Variants in SCAF4 observed in about 807,000 individuals in gnomAD.
SCAF4 encodes the protein SR-related CTD associated factor 4.
A neutral mutation model predicts 129.8 loss-of-function variants in SCAF4; 25 were observed. The ratio of observed to expected loss-of-function variants is 0.19; its 90% CI spans 0.14 to 0.27. The LOEUF (loss-of-function observed/expected upper bound fraction) is 0.27, where lower values mean the gene tolerates loss of function less well. Ranked by LOEUF, SCAF4 falls within the 10% of genes least tolerant of loss-of-function variation. SCAF4 has a pLI of 1.00. For missense variants in SCAF4, 1,246 were observed against 1,457.1 expected, an observed-to-expected ratio of 0.86 and a Z score of 2.36; for synonymous variants, 551 against 497.7, an observed-to-expected ratio of 1.11 and a Z score of -1.43.
At chr21:31,682,263 C>G (rs1208930999) in intron 19 of SCAF4, among the ~76,000 whole-genome samples, 1 of 151,944 alleles carries the variant, frequency 6.6e-6, no homozygotes, top group East Asian at 1.9e-4. Flanking sequence ...CCTGTAGTCC[C>G]AGCTACTTGG....
At chr21:31,696,526 T>C in intron 8 of SCAF4, 43 bp downstream of exon 8, 1 of 1,519,020 alleles carries the variant, frequency 6.6e-7, no homozygotes, top group South Asian at 1.2e-5. Context: ...CTTACAACTA[T>C]TACCAATTTT....
rs186220309 is a variant in SCAF4 at position 31,710,749 on chromosome 21, G to C, written c.31-4392C>G. ...AAAACAAATCTTGTTTATTTAGTTT[G>C]GCAATTAGGTGAATGCAAGTGACAT... On this transcript the variant is annotated intron_variant, in intron 1 of 19. Transcript: ENST00000286835. 2.0e-3 allele frequency among the ~76,000 whole-genome samples: 298 copies of C among 152,302 alleles called. 1 individual carries two copies. The highest frequency in any genetic ancestry group is 6.4e-3 in the African/African-American group (268 of 41,564).
chr21:31,717,904 T>TACACACACACACACACACACAC (rs35191665), intron 1 of SCAF4, among the ~76,000 whole-genome samples: 1 of 117,946 alleles, frequency 8.5e-6, no homozygotes, highest in Admixed American at 9.2e-5. Flanking sequence ...TACACATATA[T>TACACACACACACACACACACAC]ACACACACAC....
At chr21:31,686,918 G>A (rs1438623177) in intron 16 of SCAF4, among the ~76,000 whole-genome samples, 2 of 152,170 alleles carry the variant, frequency 1.3e-5, no homozygotes, top group African/African-American at 4.8e-5. Context: ...GGTCCCTGGT[G>A]CCGGAAAGGT....
chr21:31,688,397 G>A lies in SCAF4; in HGVS notation c.1953C>T (p.His651=), dbSNP rs190999203. The A allele has an allele frequency of 1.2e-6, 2 of 1,613,934 alleles. No individual in the cohort carries two copies. The highest frequency in any genetic ancestry group is 2.2e-5 in the East Asian group (1 of 44,852). ...TAGGTATGGGTGATACTGGTTCTGTGTGTGAGGTTTCAGCACCTCCATTTT... is the reference window on the plus strand; with the variant it reads ...TAGGTATGGGTGATACTGGTTCTGTATGTGAGGTTTCAGCACCTCCATTTT... The part of the protein sequence containing the change: ...VAQNGGAETS[H]TEPVSPIPKP... Residue 651 remains histidine (H), a synonymous_variant, in exon 16 of 20, where the codon CAC becomes CAT. Transcript: ENST00000286835.
At chr21:31,731,574 G>C in intron 1 of SCAF4, 89 bp downstream of exon 1, 4 of 1,471,742 alleles carry the variant, frequency 2.7e-6, no homozygotes, top group Non-Finnish European at 3.7e-6. Flanking sequence ...TCCCCACCCG[G>C]ACCAAAGCTT....
At position 31,731,712 on chromosome 21, in the gene SCAF4, C is replaced by T. The variant is rs780919002; in HGVS notation, c.-20G>A. Reference sequence around the variant, plus strand: ...GTCCATGTTCGCGCTGCGGCGGCGGCTGCTCCGGGCCCGCCGGTCACATAG... The same window carrying T: ...GTCCATGTTCGCGCTGCGGCGGCGGTTGCTCCGGGCCCGCCGGTCACATAG... On this transcript the variant is annotated 5_prime_UTR_variant, in exon 1 of 20. Coordinates refer to ENST00000286835, the MANE Select transcript of SCAF4 (RefSeq NM_020706.2). 8.2e-6 allele frequency: 13 copies of T among 1,576,806 alleles called. No homozygotes were observed. The East Asian group carries it at 2.7e-4, about 33-fold the overall frequency.
At chr21:31,721,576 C>T (rs1568865331) in intron 1 of SCAF4, among the ~76,000 whole-genome samples, 1 of 152,176 alleles carries the variant, frequency 6.6e-6, no homozygotes, top group African/African-American at 2.4e-5. Context: ...GATTGGTCAA[C>T]TATTGCTCTT....
intron 11 of SCAF4, 43 bp downstream of exon 11, chr21:31,694,161 C>A: frequency 9.5e-7 from 1 of 1,057,484 alleles, no homozygotes; most frequent in South Asian, 1.3e-5. Flanking sequence ...TTCTATGTCC[C>A]CTAAGATATA....
chr21:31,696,648 C>T lies in SCAF4; in HGVS notation c.880G>A (p.Val294Ile). The change falls in exon 8 of 20, where the codon GTA becomes ATA. Residue 294 changes from valine to isoleucine, a missense_variant. By Grantham distance (29) the Val-to-Ile change is conservative (BLOSUM62 3). Around this residue, in one of 6 missense-constraint regions of SCAF4, gnomAD observed 236 missense variants for 210.0 expected, o/e 1.12. Coordinates refer to ENST00000286835, the MANE Select transcript of SCAF4 (RefSeq NM_020706.2). ...ACGGTGGCGGTGGGTGCAGGGGGTA[C>T]TGCGGCAGCAGGTGCTGTCGTGGTG... Reference protein sequence around the residue: ...AVTTTAPAAAVPPAPTATVPA... With the variant: ...AVTTTAPAAAIPPAPTATVPA... The T allele has an allele frequency of 1.2e-6, 2 of 1,614,000 alleles. No homozygotes were observed. Among genetic ancestry groups the T allele is most frequent in the Non-Finnish European group, 8.5e-7 (1 of 1,179,952 alleles).
At chr21:31,675,644 C>A (rs1220503536) in intron 19 of SCAF4, among the ~76,000 whole-genome samples, 1 of 152,132 alleles carries the variant, frequency 6.6e-6, no homozygotes, top group Non-Finnish European at 1.5e-5. Flanking sequence ...TTTAATACAG[C>A]GAGGCATTAG....
rs368648025 is a variant in SCAF4 at position 31,718,976 on chromosome 21, T to C, written c.31-12619A>G. Among the ~76,000 whole-genome samples, 129 of 152,326 alleles carry C rather than the reference T, an allele frequency of 8.5e-4. 3 individuals carry two copies. In the South Asian group the frequency reaches 0.025, roughly 30 times the overall value. On this transcript the variant is annotated intron_variant, in intron 1 of 19. Transcript: ENST00000286835. Reference sequence around the variant, plus strand: ...TTTAGGTTAACTACTTATATTTCTATGTGCAGTAAGAACATTAAGAAAACA... The same window carrying C: ...TTTAGGTTAACTACTTATATTTCTACGTGCAGTAAGAACATTAAGAAAACA...
intron 7 of SCAF4, 149 bp from the exon 8 acceptor site, chr21:31,696,899 G>T: frequency 3.2e-6 from 2 of 619,974 alleles, no homozygotes; most frequent in Non-Finnish European, 5.4e-6. Context: ...CAGGACCTTG[G>T]TTTGTAGATA....
intron 4 of SCAF4, among the ~76,000 whole-genome samples, chr21:31,703,100 T>A (rs979145504): frequency 1.3e-5 from 2 of 152,292 alleles, no homozygotes. Flanking sequence ...TTAAATACTG[T>A]AGTCTGATTG....
intron 1 of SCAF4, among the ~76,000 whole-genome samples, chr21:31,719,998 G>C (rs780335126): frequency 6.6e-6 from 1 of 152,124 alleles, no homozygotes; most frequent in African/African-American, 2.4e-5. Flanking sequence ...TCACTTGCTT[G>C]AAAGACAGGC....
rs771154875 is a variant in SCAF4 at position 31,705,409 on chromosome 21, TGA to T, written c.159+12_159+13del. ...TATTGTAACTAAAATGAGGTTATAA[TGA>T]GAGATAGTTACCTTTTTGATGAACT... On this transcript the variant is annotated intron_variant, in intron 3 of 19. Coordinates refer to ENST00000286835, the MANE Select transcript of SCAF4 (RefSeq NM_020706.2). 8 of 1,137,348 alleles carry T rather than the reference TGA, an allele frequency of 7.0e-6. No individual in the cohort carries two copies. The highest frequency in any genetic ancestry group is 4.4e-5 in the South Asian group (3 of 67,948). 70.5% of individuals were successfully genotyped at this position (1,137,348 alleles called of 1,614,324 possible).
rs144345195 is a variant in SCAF4 at position 31,697,132 on chromosome 21, T to C, written c.778-382A>G. 3.9e-3 allele frequency among the ~76,000 whole-genome samples: 589 copies of C among 152,232 alleles called. 3 individuals carry two copies. The highest frequency in any genetic ancestry group is 6.1e-3 in the Non-Finnish European group (418 of 67,996). ...ATACATTTTCAGTCAGCATAAAATGTACAAAAAGACTGTCTTATTCAATCA... is the reference window on the plus strand; with the variant it reads ...ATACATTTTCAGTCAGCATAAAATGCACAAAAAGACTGTCTTATTCAATCA... On this transcript the variant is annotated intron_variant, in intron 7 of 19. Coordinates refer to ENST00000286835, the MANE Select transcript of SCAF4 (RefSeq NM_020706.2).
chr21:31,692,526 T>C, intron 12 of SCAF4, 77 bp from the exon 13 acceptor site: 1 of 891,894 alleles, frequency 1.1e-6, no homozygotes, highest in Non-Finnish European at 1.8e-6. Flanking sequence ...AAAAAATCAT[T>C]ACACAAAATA....
chr21:31,702,000 A>G, intron 5 of SCAF4, 82 bp from the exon 6 acceptor site: 1 of 1,494,906 alleles, frequency 6.7e-7, no homozygotes, highest in Non-Finnish European at 9.1e-7. Flanking sequence ...CTAAAATAAC[A>G]TTTTATCCAA....
Sources: gnomAD v4.1 joint callset for allele counts (sites outside exome capture counted in the v4.1 genomes callset) on GRCh38, gnomAD v4.1.1 for gene constraint, gnomAD v4.1.1 regional missense constraint, MANE v1.5 for transcripts, NCBI Gene and HGNC (gene_info 2026-07-23, HGNC 2026-07-21) for gene names.